SLC8A1: variants seen among roughly 807,000 people sequenced by gnomAD.
The protein encoded by SLC8A1 is solute carrier family 8 member A1.
In SLC8A1, 18 loss-of-function variants were observed where a neutral mutation model predicts 68.3. That is an observed-to-expected ratio of 0.26 (90% confidence interval 0.18 to 0.39). The LOEUF (loss-of-function observed/expected upper bound fraction) is 0.39, where lower values mean the gene tolerates loss of function less well. SLC8A1 is among the 10% of genes least tolerant of loss of function. SLC8A1 has a pLI of 1.00. For missense variants in SLC8A1, 985 were observed against 1,156.7 expected, an observed-to-expected ratio of 0.85 and a Z score of 2.15; for synonymous variants, 475 against 415.5, an observed-to-expected ratio of 1.14 and a Z score of -1.74.
In SLC8A1 at chr2:40,164,998, G is replaced by A; in HGVS notation, c.1931-14C>T. ...CATCATATTCGTCTGTGAAACGGAA[G>A]TATCAGAGAGTGAGCACTGTGTTCT... On this transcript the variant is annotated splice_polypyrimidine_tract_variant and intron_variant, in intron 4 of 7. Transcript: ENST00000406785. 1.2e-6 allele frequency: 2 copies of A among 1,613,480 alleles called. No homozygotes were observed. The highest frequency in any genetic ancestry group is 2.2e-5 in the South Asian group (2 of 91,082).
At chr2:40,388,066 T>G (rs1559485650) in intron 2 of SLC8A1, among the ~76,000 whole-genome samples, 1 of 151,962 alleles carries the variant, frequency 6.6e-6, no homozygotes, top group Non-Finnish European at 1.5e-5. Context: ...CTGAAAAGTA[T>G]ATAATCCCTT....
chr2:40,196,392 G>A (rs1321281961), intron 2 of SLC8A1, among the ~76,000 whole-genome samples: 2 of 151,972 alleles, frequency 1.3e-5, no homozygotes, highest in African/African-American at 4.8e-5. Context: ...TTCACCTTGA[G>A]AAATGAGCCT....
chr2:40,351,086 G>C (rs191840206), intron 2 of SLC8A1, among the ~76,000 whole-genome samples: 2 of 152,142 alleles, frequency 1.3e-5, no homozygotes, highest in East Asian at 3.9e-4. Context: ...CTCAGGTAAA[G>C]CATTATAAGT....
intron 2 of SLC8A1, among the ~76,000 whole-genome samples, chr2:40,350,438 G>A (rs1250471289): frequency 6.6e-6 from 1 of 151,964 alleles, no homozygotes; most frequent in Non-Finnish European, 1.5e-5. Context: ...CTGTGATCGT[G>A]CCACTGCGGT....
chr2:40,333,629 C>T (rs926882700), intron 2 of SLC8A1, among the ~76,000 whole-genome samples: 2 of 152,084 alleles, frequency 1.3e-5, no homozygotes, highest in Non-Finnish European at 2.9e-5. Flanking sequence ...TTCTAACTCT[C>T]ATATCTTCTT....
chr2:40,256,532 T>C (rs1359017512), intron 2 of SLC8A1, among the ~76,000 whole-genome samples: 1 of 152,244 alleles, frequency 6.6e-6, no homozygotes, highest in African/African-American at 2.4e-5. Flanking sequence ...AGTGTTCTAC[T>C]GGACGCATTT....
exon 8 of SLC8A1, chr2:40,113,201 A>G (rs1268448340): frequency 6.6e-6 from 1 of 152,374 alleles, no homozygotes; most frequent in Non-Finnish European, 1.5e-5. Context: ...TAAATGAGGA[A>G]GGATCATGGT....
chr2:40,372,471 T>C (rs958794987), intron 2 of SLC8A1, among the ~76,000 whole-genome samples: 3 of 152,138 alleles, frequency 2.0e-5, no homozygotes, highest in Admixed American at 6.6e-5. Context: ...CTGAGGATTT[T>C]TCTTCATAGA....
chr2:40,359,943 A>C (rs7571610), intron 2 of SLC8A1, among the ~76,000 whole-genome samples: 3,028 of 152,168 alleles, frequency 0.02, 103 homozygotes, highest in African/African-American at 0.069. Flanking sequence ...AAAAAAAAAA[A>C]AAAACAGATA....
chr2:40,473,250 T>C (rs1287786609), intron 1 of SLC8A1, among the ~76,000 whole-genome samples: 1 of 152,148 alleles, frequency 6.6e-6, no homozygotes, highest in Non-Finnish European at 1.5e-5. Context: ...AAATACCTAA[T>C]TATAAATAAA....
chr2:40,291,785 TA>T (rs1392133936), intron 2 of SLC8A1, among the ~76,000 whole-genome samples: 1 of 152,144 alleles, frequency 6.6e-6, no homozygotes, highest in Non-Finnish European at 1.5e-5. Flanking sequence ...TCAGTTAATA[TA>T]AACATTTTTA....
At chr2:40,225,507 C>T (rs976796522) in intron 2 of SLC8A1, among the ~76,000 whole-genome samples, 1 of 152,016 alleles carries the variant, frequency 6.6e-6, no homozygotes. Flanking sequence ...AATGTGGTGA[C>T]TGGAGAGAAG....
intron 2 of SLC8A1, among the ~76,000 whole-genome samples, chr2:40,264,552 G>T (rs924373647): frequency 3.9e-5 from 6 of 152,150 alleles, no homozygotes; most frequent in African/African-American, 1.4e-4. Context: ...CCTTTGTAGG[G>T]ACACGGATGA....
intron 2 of SLC8A1, among the ~76,000 whole-genome samples, chr2:40,248,828 G>A (rs1449243946): frequency 6.6e-6 from 1 of 152,128 alleles, no homozygotes; most frequent in African/African-American, 2.4e-5. Flanking sequence ...CTGATCTTTA[G>A]GGATTTAGGT....
chr2:40,240,238 G>T (rs2061032414), intron 2 of SLC8A1, among the ~76,000 whole-genome samples: 1 of 152,160 alleles, frequency 6.6e-6, no homozygotes, highest in South Asian at 2.1e-4. Context: ...TGTTGTTAAG[G>T]GCTGACGACA....
intron 2 of SLC8A1, among the ~76,000 whole-genome samples, chr2:40,414,149 A>G (rs761615477): frequency 6.6e-6 from 1 of 152,212 alleles, no homozygotes; most frequent in African/African-American, 2.4e-5. Context: ...TGAAACATGA[A>G]TCAAAGTCAT....
At chr2:40,123,029 G>A (rs1469140183) in intron 7 of SLC8A1, 4 of 152,256 alleles carry the variant, frequency 2.6e-5, no homozygotes, top group Admixed American at 6.5e-5. Flanking sequence ...AACCAGCAGC[G>A]CAGCACTATT....
chr2:40,476,644 C>A (rs778378679), intron 1 of SLC8A1, among the ~76,000 whole-genome samples: 1 of 152,024 alleles, frequency 6.6e-6, no homozygotes, highest in Non-Finnish European at 1.5e-5. Flanking sequence ...TTCCTGAGGT[C>A]AGAAGAAACT....
At chr2:40,129,851 G>T (rs991561098) in intron 7 of SLC8A1, among the ~76,000 whole-genome samples, 14 of 152,132 alleles carry the variant, frequency 9.2e-5, no homozygotes, top group Non-Finnish European at 1.3e-4. Context: ...AATATTTTTA[G>T]CTCTCTTCTC....
Sources: allele counts gnomAD v4.1 joint callset (sites outside exome capture counted in the v4.1 genomes callset), GRCh38; gene constraint gnomAD v4.1.1; transcripts MANE v1.5; gene names NCBI Gene and HGNC (gene_info 2026-07-23, HGNC 2026-07-21).